MRTFB: variants seen among roughly 807,000 people sequenced by gnomAD.
MRTFB encodes myocardin-related transcription factor B.
Under a neutral mutation model 104.2 loss-of-function variants are expected in MRTFB, and 29 were observed. The observed-to-expected ratio is 0.28, with a 90% CI of 0.21 to 0.38. The LOEUF is 0.38. Among genes scored for constraint, MRTFB ranks in the 10% least tolerant of loss-of-function variants. The probability of loss-of-function intolerance (pLI) is 1.00; values close to 1 mark genes in which losing one functional copy is unlikely to be tolerated. For missense variants in MRTFB, 1,270 were observed against 1,341.6 expected (o/e 0.95, Z 0.83); for synonymous variants, 535 against 519.5 (o/e 1.03, Z -0.41).
chr16:14,166,203 G>T (rs973988000), intron 3 of MRTFB, among the ~76,000 whole-genome samples: 1 of 143,484 alleles, frequency 7.0e-6, no homozygotes, highest in Non-Finnish European at 1.5e-5. Flanking sequence ...TTGGTTTTGT[G>T]TGGGTTTTCT....
intron 2 of MRTFB, among the ~76,000 whole-genome samples, chr16:14,129,013 T>C (rs1431516871): frequency 6.6e-6 from 1 of 152,230 alleles, no homozygotes; most frequent in Non-Finnish European, 1.5e-5. Flanking sequence ...GTCCAAGTAT[T>C]GAAGCCCTTT....
At chr16:14,098,937 A>G (rs1388629537) in intron 2 of MRTFB, among the ~76,000 whole-genome samples, 2 of 152,144 alleles carry the variant, frequency 1.3e-5, no homozygotes, top group Admixed American at 6.5e-5. Context: ...TCATTAATCT[A>G]TTTGTCTTCA....
chr16:14,044,451 C>T, the MRTFB span, among the ~76,000 whole-genome samples: 1 of 152,186 alleles, frequency 6.6e-6, no homozygotes, highest in East Asian at 1.9e-4. Context: ...TTATTATTCC[C>T]ATTTTAAAAG....
At chr16:14,175,756 C>A (rs1273583019) in intron 3 of MRTFB, among the ~76,000 whole-genome samples, 1 of 152,084 alleles carries the variant, frequency 6.6e-6, no homozygotes, top group Non-Finnish European at 1.5e-5. Flanking sequence ...TATGGTATAT[C>A]CATACAGCGG....
rs140599241 is a variant in MRTFB, at chr16:14,162,964, A to C, written c.154+22204A>C. 3.2e-3 allele frequency among the ~76,000 whole-genome samples: 484 copies of C among 152,270 alleles called. 13 individuals carry two copies. Among genetic ancestry groups the C allele is most frequent in the Admixed American group, 0.027 (414 of 15,294 alleles). ...AGGTTTTTTTCCTTCTGCTTCTCCC[A>C]GTTCTTGTTTGTCTATCTTTTTGTC... On this transcript the variant is annotated intron_variant, in intron 3 of 16. Coordinates refer to ENST00000571589, the MANE Select transcript of MRTFB (RefSeq NM_001308142.2).
At chr16:14,036,290 ATATATT>A in the MRTFB span, among the ~76,000 whole-genome samples, 1 of 54,130 alleles carries the variant, frequency 1.8e-5, no homozygotes, top group African/African-American at 5.1e-5. Context: ...TGTATTTTAT[ATATATT>A]TATATATATA....
At position 14,266,460 on chromosome 16, in the gene MRTFB, C is replaced by G. The variant is rs1174985360; in HGVS notation, c.*5016C>G. The G allele has an allele frequency of 6.6e-6, 1 of 152,120 alleles. No homozygotes were observed. The highest frequency in any genetic ancestry group is 1.5e-5 in the Non-Finnish European group (1 of 68,034). The allele number at this position is 152,120 out of a possible 1,614,324, so 9.4% of individuals were successfully genotyped here. A position where few individuals can be genotyped will look rare whatever the true frequency, so the allele number is the denominator to read the frequency against. Reference sequence around the variant, plus strand: ...CTACAGAGCCCTGCTTGTTGAAGCACTAGTTTAATCAACAAAAAATTATGG... The same window carrying G: ...CTACAGAGCCCTGCTTGTTGAAGCAGTAGTTTAATCAACAAAAAATTATGG... On this transcript the variant is annotated 3_prime_UTR_variant, in exon 17 of 17. Coordinates refer to ENST00000571589, the MANE Select transcript of MRTFB (RefSeq NM_001308142.2).
chr16:14,186,880 T>C (rs1251526293), intron 3 of MRTFB: 17 of 1,597,806 alleles, frequency 1.1e-5, no homozygotes, highest in Non-Finnish European at 1.4e-5. Context: ...GCTTTTCTCC[T>C]GCTTGATGCT....
Position 14,246,742 on chromosome 16 carries a change from C to T in MRTFB, c.1482C>T (p.Thr494=), listed in dbSNP as rs1334988614. ...ELPPTGTSNA[T]RVENVHSPLP... ...CACCTACAGGAACCAGCAACGCAAC[C>T]CGTGTGGAAAATGTTCATTCCCCTC... Residue 494 remains threonine (T), a synonymous_variant, in exon 12 of 17, where the codon ACC becomes ACT. Transcript: ENST00000571589. 7 of 1,614,212 alleles carry T rather than the reference C, an allele frequency of 4.3e-6. No homozygotes were observed. In the South Asian group the frequency reaches 7.7e-5, roughly 18 times the overall value.
intron 2 of MRTFB, among the ~76,000 whole-genome samples, chr16:14,098,733 A>G (rs2035533010): frequency 6.6e-6 from 1 of 152,224 alleles, no homozygotes; most frequent in African/African-American, 2.4e-5. Context: ...ATTTTGCAAT[A>G]TGGCCCATTT....
intron 9 of MRTFB, among the ~76,000 whole-genome samples, chr16:14,236,621 T>C (rs969659209): frequency 1.3e-5 from 2 of 151,994 alleles, no homozygotes; most frequent in African/African-American, 2.4e-5. Context: ...TCTGAAAGAA[T>C]TGAGGGTGTG....
In MRTFB at chr16:14,200,852, C is replaced by A. The variant is rs1449750464; in HGVS notation, c.155-9391C>A. On this transcript the variant is annotated intron_variant, in intron 3 of 16. Coordinates refer to ENST00000571589, the MANE Select transcript of MRTFB (RefSeq NM_001308142.2). ...ATCGTGGGTGTGGTGCTACAAGGTG[C>A]CAACCTGTATGGTTACCTCAGGTGT... 3 of 1,459,070 alleles carry A rather than the reference C, an allele frequency of 2.1e-6. No homozygotes were observed. In the African/African-American group the frequency reaches 4.2e-5, roughly 20 times the overall value. 90.4% of individuals were successfully genotyped at this position (1,459,070 alleles called of 1,614,324 possible).
intron 3 of MRTFB, among the ~76,000 whole-genome samples, chr16:14,162,414 A>G (rs13330472): frequency 0.057 from 8,597 of 152,136 alleles, 747 homozygotes; most frequent in African/African-American, 0.19. Context: ...CAGCAATTCT[A>G]TATGGTTCAT....
At chr16:14,041,697 C>T in the MRTFB span, among the ~76,000 whole-genome samples, 6 of 151,976 alleles carry the variant, frequency 3.9e-5, no homozygotes, top group African/African-American at 9.7e-5. Context: ...GAGGTCGGGG[C>T]GGGCAGATCA....
chr16:14,075,133 T>C (rs1337499615), intron 1 of MRTFB, among the ~76,000 whole-genome samples: 1 of 152,228 alleles, frequency 6.6e-6, no homozygotes, highest in Non-Finnish European at 1.5e-5. Context: ...AGAAATATAT[T>C]TGAAAACATA....
intron 2 of MRTFB, among the ~76,000 whole-genome samples, chr16:14,114,624 A>G (rs906882786): frequency 7.9e-5 from 12 of 152,146 alleles, no homozygotes; most frequent in African/African-American, 2.2e-4. Context: ...ATTTTATCCT[A>G]TTCTCTGGTT....
chr16:14,026,706 G>A, the MRTFB span, among the ~76,000 whole-genome samples: 3 of 152,142 alleles, frequency 2.0e-5, no homozygotes, highest in Non-Finnish European at 2.9e-5. Flanking sequence ...CTCAGTGGTT[G>A]AAAATAAGAA....
intron 3 of MRTFB, chr16:14,195,680 C>A: frequency 2.1e-6 from 1 of 467,004 alleles, no homozygotes; most frequent in Non-Finnish European, 2.8e-6. Context: ...TATTAAGAAA[C>A]ATGAGAACAT....
the MRTFB span, among the ~76,000 whole-genome samples, chr16:13,996,826 C>T: frequency 0.28 from 42,313 of 152,060 alleles, 7,020 homozygotes; most frequent in Non-Finnish European, 0.37. Context: ...GGACAACCGA[C>T]GGCTCTCTGT....
Sources: gnomAD v4.1 joint callset for allele counts (sites outside exome capture counted in the v4.1 genomes callset) on GRCh38, gnomAD v4.1.1 for gene constraint, MANE v1.5 for transcripts, NCBI Gene and HGNC (gene_info 2026-07-23, HGNC 2026-07-21) for gene names.